MDGA2: variants seen among roughly 807,000 people sequenced by gnomAD.
The protein encoded by MDGA2 is MAM domain-containing glycosylphosphatidylinositol anchor protein 2.
A neutral mutation model predicts 117.8 loss-of-function variants in MDGA2; 40 were observed. That is an observed-to-expected ratio of 0.34 (90% CI 0.26 to 0.44). The LOEUF is 0.44. Ranked by LOEUF, MDGA2 falls within the 20% of genes least tolerant of loss-of-function variation. The pLI, the probability that MDGA2 is intolerant of heterozygous loss-of-function variation, is 1.00. For missense variants in MDGA2, 1,123 were observed against 1,250.6 expected (o/e 0.90, Z 1.54); for synonymous variants, 452 against 439.0 (o/e 1.03, Z -0.37).
intron 1 of MDGA2, among the ~76,000 whole-genome samples, chr14:47,394,696 T>A (rs1030490112): frequency 6.6e-6 from 1 of 152,214 alleles, no homozygotes; most frequent in African/African-American, 2.4e-5. Flanking sequence ...CATAACTATA[T>A]AACTATTAAA....
chr14:47,465,198 T>C (rs920314035), intron 1 of MDGA2, among the ~76,000 whole-genome samples: 4 of 152,194 alleles, frequency 2.6e-5, no homozygotes, highest in African/African-American at 9.6e-5. Context: ...GATTAAAGAC[T>C]TAAGGGTAAA....
intron 8 of MDGA2, among the ~76,000 whole-genome samples, chr14:47,030,977 C>T (rs1259086418): frequency 6.6e-6 from 1 of 152,084 alleles, no homozygotes; most frequent in Non-Finnish European, 1.5e-5. Context: ...GACTATGTTA[C>T]TCTTAACAGG....
intron 3 of MDGA2, among the ~76,000 whole-genome samples, chr14:47,165,671 C>T (rs979420714): frequency 1.3e-5 from 2 of 152,184 alleles, no homozygotes; most frequent in African/African-American, 4.8e-5. Context: ...GTGGAAGGGT[C>T]TCCAATGCTG....
chr14:47,359,748 C>CAAAAAAAAAAAAAAAAAAAAAAA (rs71448198), intron 1 of MDGA2, among the ~76,000 whole-genome samples: 2 of 110,784 alleles, frequency 1.8e-5, no homozygotes, highest in African/African-American at 3.5e-5. Context: ...AAGACTGTCT[C>CAAAAAAAAAAAAAAAAAAAAAAA]AAAAAAAAAA....
At chr14:47,549,518 T>C (rs751401035) in intron 1 of MDGA2, among the ~76,000 whole-genome samples, 1 of 152,132 alleles carries the variant, frequency 6.6e-6, no homozygotes, top group African/African-American at 2.4e-5. Context: ...TATACTCTTA[T>C]ATTTTCAATA....
intron 5 of MDGA2, among the ~76,000 whole-genome samples, chr14:47,130,788 A>T (rs1265696595): frequency 6.6e-6 from 1 of 152,142 alleles, no homozygotes; most frequent in Non-Finnish European, 1.5e-5. Context: ...TAAGTGGCAC[A>T]AGCAGAGTCT....
chr14:47,507,727 T>C (rs903102265), intron 1 of MDGA2, among the ~76,000 whole-genome samples: 2 of 152,260 alleles, frequency 1.3e-5, no homozygotes, highest in African/African-American at 4.8e-5. Flanking sequence ...AATACTTCTA[T>C]GGATCTTATC....
At chr14:47,067,119 CAAAG>C (rs1890114953) in intron 6 of MDGA2, among the ~76,000 whole-genome samples, 1 of 152,086 alleles carries the variant, frequency 6.6e-6, no homozygotes, top group South Asian at 2.1e-4. Context: ...CCACCACAAA[CAAAG>C]AAACAAACAA....
Position 47,479,955 on chromosome 14 carries a change from ATC to A in MDGA2, c.281-178407_281-178406del, listed in dbSNP as rs1893918174. 2.6e-5 allele frequency among the ~76,000 whole-genome samples: 4 copies of A among 152,142 alleles called. No homozygotes were observed. The South Asian group carries it at 8.3e-4, about 32-fold the overall frequency. On this transcript the variant is annotated intron_variant, in intron 1 of 16. Coordinates refer to ENST00000399232, the MANE Select transcript of MDGA2 (RefSeq NM_001113498.3). ...TTTCCTTGCCACTGTATAGGTTCAC[ATC>A]TTACCTTCCAAAGGTTATGCAATAA...
chr14:47,063,744 G>A (rs1889979045), intron 6 of MDGA2, among the ~76,000 whole-genome samples: 2 of 151,518 alleles, frequency 1.3e-5, no homozygotes, highest in Admixed American at 1.3e-4. Flanking sequence ...TTTTATTATT[G>A]CATATAATAA....
chr14:47,481,038 C>A (rs1893943952), intron 1 of MDGA2, among the ~76,000 whole-genome samples: 1 of 151,880 alleles, frequency 6.6e-6, no homozygotes, highest in Non-Finnish European at 1.5e-5. Context: ...AACAGGCTAA[C>A]ACTTAAGAAC....
At chr14:47,366,061 T>C (rs1891224479) in intron 1 of MDGA2, among the ~76,000 whole-genome samples, 2 of 152,132 alleles carry the variant, frequency 1.3e-5, no homozygotes, top group Admixed American at 1.3e-4. Context: ...AAATCCTAGC[T>C]CCAAAGCACT....
intron 9 of MDGA2, among the ~76,000 whole-genome samples, chr14:46,930,413 C>A (rs1884524296): frequency 6.6e-6 from 1 of 151,564 alleles, no homozygotes; most frequent in African/African-American, 2.4e-5. Context: ...CATATACCAA[C>A]ATCAGTAAAA....
At chr14:46,899,767 G>T (rs1883214278) in intron 10 of MDGA2, among the ~76,000 whole-genome samples, 1 of 152,032 alleles carries the variant, frequency 6.6e-6, no homozygotes, top group Non-Finnish European at 1.5e-5. Context: ...AGAAATACTG[G>T]ATACTGCAAT....
chr14:46,934,954 T>C (rs1043060057), intron 9 of MDGA2, among the ~76,000 whole-genome samples: 1 of 152,100 alleles, frequency 6.6e-6, no homozygotes, highest in African/African-American at 2.4e-5. Context: ...CGATTCTCTT[T>C]TGCTTGTACA....
chr14:47,013,251 T>C (rs1887958666), intron 8 of MDGA2, among the ~76,000 whole-genome samples: 1 of 152,186 alleles, frequency 6.6e-6, no homozygotes, highest in South Asian at 2.1e-4. Flanking sequence ...TTTGTAATAT[T>C]GTAAATCTTT....
intron 3 of MDGA2, among the ~76,000 whole-genome samples, chr14:47,201,531 G>C (rs547569040): frequency 5.5e-4 from 83 of 152,224 alleles, no homozygotes; most frequent in African/African-American, 2.0e-3. Context: ...TCTCCTCCAA[G>C]TAAATGGCAT....
chr14:47,523,174 G>T (rs893424030), intron 1 of MDGA2, among the ~76,000 whole-genome samples: 3 of 152,008 alleles, frequency 2.0e-5, no homozygotes, highest in Non-Finnish European at 4.4e-5. Context: ...CAAAAAGGAC[G>T]AAAGAAAAAT....
chr14:47,119,202 A>C (rs1344654435), intron 5 of MDGA2, among the ~76,000 whole-genome samples: 1 of 85,068 alleles, frequency 1.2e-5, no homozygotes, highest in African/African-American at 4.7e-5. Flanking sequence ...CGTAGCTGGG[A>C]CTACAGGCAC....
Sources: allele counts gnomAD v4.1 joint callset (sites outside exome capture counted in the v4.1 genomes callset), GRCh38; gene constraint gnomAD v4.1.1; transcripts MANE v1.5; gene names NCBI Gene and HGNC (gene_info 2026-07-23, HGNC 2026-07-21).